EYS: variants seen among roughly 807,000 people sequenced by gnomAD.
EYS encodes the protein protein eyes shut homolog.
EYS carries 250 observed loss-of-function variants against 282.1 expected under a neutral mutation model. The ratio of observed to expected loss-of-function variants is 0.89; its 90% CI spans 0.80 to 0.98. EYS has a LOEUF of 0.98. Ranked by LOEUF, EYS falls within the 50% of genes least tolerant of loss-of-function variation. The pLI is 0.00. For missense variants in EYS, 4,016 were observed against 3,709.0 expected (o/e 1.08, Z -2.15); for synonymous variants, 1,355 against 1,282.9 (o/e 1.06, Z -1.20).
intron 33 of EYS, among the ~76,000 whole-genome samples, chr6:64,047,625 C>G (rs1039223172): frequency 6.6e-5 from 10 of 152,276 alleles, no homozygotes; most frequent in African/African-American, 2.4e-4. Context: ...GCAAAATATT[C>G]AGAAGAGTGT....
chr6:64,044,660 T>G (rs1446961660), intron 33 of EYS, among the ~76,000 whole-genome samples: 2 of 152,258 alleles, frequency 1.3e-5, no homozygotes, highest in African/African-American at 4.8e-5. Flanking sequence ...TTAACATTCT[T>G]TCTGTTCTTT....
chr6:64,004,458 CT>C (rs35421723), intron 33 of EYS, among the ~76,000 whole-genome samples: 58,552 of 148,778 alleles, frequency 0.39, 11,951 homozygotes, highest in African/African-American at 0.53. Flanking sequence ...GTTTGAATCA[CT>C]TTTTTTTTTT....
At chr6:63,854,385 A>C (rs1184241269) in intron 36 of EYS, among the ~76,000 whole-genome samples, 1 of 152,190 alleles carries the variant, frequency 6.6e-6, no homozygotes, top group Non-Finnish European at 1.5e-5. Flanking sequence ...GTTCTCACTT[A>C]TAATTGGGAG....
At chr6:64,132,638 C>A (rs1048361612) in intron 31 of EYS, among the ~76,000 whole-genome samples, 8 of 151,766 alleles carry the variant, frequency 5.3e-5, no homozygotes, top group African/African-American at 1.2e-4. Flanking sequence ...TTAAAAATAT[C>A]CACAACCCAG....
At position 65,673,091 on chromosome 6, in the gene EYS, G is replaced by T. The variant is rs145811705; in HGVS notation, c.-447-33199C>A. On this transcript the variant is annotated intron_variant, in intron 1 of 42. Coordinates refer to ENST00000503581, the MANE Select transcript of EYS (RefSeq NM_001142800.2). ...ATTCTTCAGTTGCTTCAGGCTGTCT[G>T]GATGTATACGTGCAGGTCACAGGGG... Among the ~76,000 whole-genome samples the T allele has an allele frequency of 4.9e-3, 749 of 152,278 alleles. 6 individuals carry two copies. Among genetic ancestry groups the T allele is most frequent in the African/African-American group, 0.017 (706 of 41,566 alleles).
intron 17 of EYS, 22 bp downstream of exon 17, chr6:64,902,382 A>G: frequency 7.4e-6 from 11 of 1,478,536 alleles, no homozygotes; most frequent in Non-Finnish European, 9.2e-6. Context: ...ATGTATCTAG[A>G]TACTTTTTAA....
intron 22 of EYS, among the ~76,000 whole-genome samples, chr6:64,782,453 T>C (rs1773890238): frequency 6.6e-6 from 1 of 152,230 alleles, no homozygotes; most frequent in Non-Finnish European, 1.5e-5. Context: ...TGGAAATATC[T>C]CTCAGATACT....
chr6:64,004,627 A>C (rs933533001), intron 33 of EYS, among the ~76,000 whole-genome samples: 1 of 152,130 alleles, frequency 6.6e-6, no homozygotes, highest in Admixed American at 6.6e-5. Flanking sequence ...ACCCTCAAGT[A>C]GGCTCCAGTG....
At chr6:63,753,643 C>T (rs948521787) in intron 41 of EYS, among the ~76,000 whole-genome samples, 1 of 152,006 alleles carries the variant, frequency 6.6e-6, no homozygotes, top group African/African-American at 2.4e-5. Flanking sequence ...GAAAACTGCC[C>T]CACATGATCC....
At chr6:64,864,413 A>ATTTTTT (rs1269005878) in intron 19 of EYS, among the ~76,000 whole-genome samples, 2 of 38,906 alleles carry the variant, frequency 5.1e-5, no homozygotes, top group Non-Finnish European at 6.8e-5. Flanking sequence ...TTTTGACAGA[A>ATTTTTT]TCTTGCTCTG....
At chr6:65,410,598 C>CTTT (rs375882636) in intron 5 of EYS, among the ~76,000 whole-genome samples, 40 of 133,522 alleles carry the variant, frequency 3.0e-4, no homozygotes, top group Non-Finnish European at 3.0e-4. Flanking sequence ...ATGATACTAG[C>CTTT]TTTTTTTTTT....
intron 12 of EYS, among the ~76,000 whole-genome samples, chr6:65,290,422 T>C (rs1768491967): frequency 6.6e-6 from 1 of 151,220 alleles, no homozygotes; most frequent in Non-Finnish European, 1.5e-5. Flanking sequence ...TCATGTTTTA[T>C]TAGTTTTTGA....
At chr6:65,513,371 A>G (rs367723502) in intron 2 of EYS, among the ~76,000 whole-genome samples, 1 of 152,092 alleles carries the variant, frequency 6.6e-6, no homozygotes, top group African/African-American at 2.4e-5. Context: ...ACAAGGAGGA[A>G]CTGGTACCAT....
chr6:65,201,200 G>C (rs559418156), intron 12 of EYS, among the ~76,000 whole-genome samples: 2 of 152,200 alleles, frequency 1.3e-5, no homozygotes, highest in African/African-American at 4.8e-5. Flanking sequence ...GAGGCTTTCT[G>C]TGGTGGAGGG....
intron 5 of EYS, among the ~76,000 whole-genome samples, chr6:65,428,702 A>G (rs111325061): frequency 5.9e-5 from 9 of 152,252 alleles, no homozygotes; most frequent in African/African-American, 1.9e-4. Context: ...ATAATACAAA[A>G]TATAGATAAT....
chr6:64,748,992 C>T (rs1350370618), intron 22 of EYS, among the ~76,000 whole-genome samples: 4 of 152,136 alleles, frequency 2.6e-5, no homozygotes, highest in Non-Finnish European at 5.9e-5. Flanking sequence ...AGGCTGGTCT[C>T]GAACTCCTGA....
At chr6:64,959,492 A>G (rs1358555747) in intron 14 of EYS, among the ~76,000 whole-genome samples, 1 of 152,258 alleles carries the variant, frequency 6.6e-6, no homozygotes, top group South Asian at 2.1e-4. Flanking sequence ...ACATTAAACC[A>G]CTCATGATAT....
chr6:65,507,867 A>T (rs1322230197), intron 2 of EYS, among the ~76,000 whole-genome samples: 2 of 152,052 alleles, frequency 1.3e-5, no homozygotes, highest in African/African-American at 4.8e-5. Flanking sequence ...ATCTCTTAAC[A>T]TATTATTCAT....
At chr6:65,425,594 A>C (rs1767628934) in intron 5 of EYS, among the ~76,000 whole-genome samples, 1 of 152,172 alleles carries the variant, frequency 6.6e-6, no homozygotes, top group African/African-American at 2.4e-5. Context: ...CAATGTCTAA[A>C]GCATTTATGT....
Sources: gnomAD v4.1 joint callset for allele counts (sites outside exome capture counted in the v4.1 genomes callset) on GRCh38, gnomAD v4.1.1 for gene constraint, MANE v1.5 for transcripts, NCBI Gene and HGNC (gene_info 2026-07-23, HGNC 2026-07-21) for gene names.